Variants in ERBB4 observed in about 807,000 individuals in gnomAD.
ERBB4 encodes the protein erb-b2 receptor tyrosine kinase 4, also known as receptor tyrosine-protein kinase erbB-4.
In ERBB4, 42 loss-of-function variants were observed where a neutral mutation model predicts 158.0. The observed-to-expected ratio is 0.27, with a 90% CI of 0.21 to 0.34. The LOEUF is 0.34. Among genes scored for constraint, ERBB4 ranks in the 10% least tolerant of loss-of-function variants. The probability of loss-of-function intolerance (pLI) is 1.00; values close to 1 mark genes in which losing one functional copy is unlikely to be tolerated. For synonymous variants in ERBB4, 583 were observed against 558.7 expected, an observed-to-expected ratio of 1.04 and a Z score of -0.61; for missense variants, 1,333 against 1,624.1, an observed-to-expected ratio of 0.82 and a Z score of 3.08.
At chr2:212,152,996 G>C (rs1310745113) in intron 1 of ERBB4, among the ~76,000 whole-genome samples, 1 of 152,142 alleles carries the variant, frequency 6.6e-6, no homozygotes, top group East Asian at 1.9e-4. Flanking sequence ...AAAGGTAAGA[G>C]ACACTTAAGG....
intron 15 of ERBB4, among the ~76,000 whole-genome samples, chr2:211,661,108 G>T: frequency 6.6e-6 from 1 of 152,018 alleles, no homozygotes; most frequent in Non-Finnish European, 1.5e-5. Flanking sequence ...AGGGGATTGT[G>T]TAGGATATTT....
At position 212,199,880 on chromosome 2, in the gene ERBB4, T is replaced by G. The variant is rs1307197388; in HGVS notation, c.83-74977A>C. The stretch of plus-strand genomic sequence containing the variant: ...GCCAGTCTGACCTATGTCCCTAGCA[T>G]GGAGTCAGGCCAGTGAAGTATGAAA... On this transcript the variant is annotated intron_variant, in intron 1 of 27. Transcript: ENST00000342788. Among the ~76,000 whole-genome samples the G allele has an allele frequency of 4.1e-5, 4 of 97,356 alleles. No individual in the cohort carries two copies. The South Asian group carries it at 1.3e-3, about 33-fold the overall frequency. The allele number at this position is 97,356 out of a possible 152,430, so 63.9% of individuals were successfully genotyped here. A position where few individuals can be genotyped will look rare whatever the true frequency, so the allele number is the denominator to read the frequency against.
chr2:211,947,586 C>T lies in ERBB4; in HGVS notation c.265G>A (p.Val89Met). The change falls in exon 3 of 28, where the codon GTG (valine) becomes ATG (methionine). Residue 89 changes from valine to methionine, a missense_variant. This residue lies in a region of ERBB4 where 438 missense variants were observed against 586.9 expected (regional missense o/e 0.75). Coordinates refer to ENST00000342788, the MANE Select transcript of ERBB4 (RefSeq NM_005235.3). The part of the protein sequence containing the change: ...SVREVTGYVL[V>M]ALNQFRYLPL... Reference sequence around the variant, plus strand: ...AGGTAACGAAACTGATTAAGAGCCACTAACACGTAGCCTGTGACTTCTCGA... The same window carrying T: ...AGGTAACGAAACTGATTAAGAGCCATTAACACGTAGCCTGTGACTTCTCGA... The T allele has an allele frequency of 1.2e-6, 2 of 1,613,752 alleles. No homozygotes were observed. Among genetic ancestry groups the T allele is most frequent in the Non-Finnish European group, 1.7e-6 (2 of 1,179,882 alleles).
At chr2:212,508,747 T>A (rs150390141) in intron 1 of ERBB4, among the ~76,000 whole-genome samples, 3 of 152,126 alleles carry the variant, frequency 2.0e-5, no homozygotes, top group Non-Finnish European at 4.4e-5. Flanking sequence ...TCTTTAGTAG[T>A]CTTTCTAAAA....
intron 19 of ERBB4, among the ~76,000 whole-genome samples, chr2:211,616,740 T>C (rs1264061595): frequency 6.6e-6 from 1 of 152,176 alleles, no homozygotes; most frequent in Non-Finnish European, 1.5e-5. Flanking sequence ...GTCTCGAAAA[T>C]AGTAGGACAT....
chr2:211,893,476 T>A (rs1250989424), intron 3 of ERBB4, among the ~76,000 whole-genome samples: 1 of 140,074 alleles, frequency 7.1e-6, no homozygotes, highest in Non-Finnish European at 1.5e-5. Flanking sequence ...AACCTAGGCA[T>A]TACCATTCAG....
At chr2:212,395,807 C>T (rs1024720189) in intron 1 of ERBB4, among the ~76,000 whole-genome samples, 2 of 151,912 alleles carry the variant, frequency 1.3e-5, no homozygotes, top group Admixed American at 6.6e-5. Flanking sequence ...TTATTAGAGA[C>T]GGGGTTTCAC....
chr2:211,715,157 G>C (rs2073851490), intron 7 of ERBB4, among the ~76,000 whole-genome samples: 1 of 152,136 alleles, frequency 6.6e-6, no homozygotes, highest in African/African-American at 2.4e-5. Context: ...CTTGACCTTA[G>C]AATATATATG....
rs113836125 is a variant in ERBB4 at position 212,510,603 on chromosome 2, C to T, written c.82+27846G>A. On this transcript the variant is annotated intron_variant, in intron 1 of 27. Transcript: ENST00000342788. ...ATGGTAGGATCAAAATGAATTATCA[C>T]GCTATGAAAATCCTTAACTAATAGG... Among the ~76,000 whole-genome samples, 141 of 152,060 alleles carry T rather than the reference C, an allele frequency of 9.3e-4. 1 individual carries two copies. The highest frequency in any genetic ancestry group is 6.8e-3 in the Middle Eastern group (2 of 294).
intron 1 of ERBB4, among the ~76,000 whole-genome samples, chr2:212,127,506 G>A (rs2079974412): frequency 6.6e-6 from 1 of 152,170 alleles, no homozygotes; most frequent in African/African-American, 2.4e-5. Context: ...GCAGGAGAAT[G>A]GCATGAACCC....
chr2:211,960,067 G>C (rs1392789670), intron 2 of ERBB4, among the ~76,000 whole-genome samples: 1 of 152,098 alleles, frequency 6.6e-6, no homozygotes, highest in Non-Finnish European at 1.5e-5. Context: ...CCTAAGTTCT[G>C]AAAGGTTGTT....
At chr2:211,933,041 C>T (rs2080218943) in intron 3 of ERBB4, among the ~76,000 whole-genome samples, 1 of 151,994 alleles carries the variant, frequency 6.6e-6, no homozygotes, top group Admixed American at 6.6e-5. Context: ...TGATAACCTA[C>T]ATTGTGACCC....
intron 3 of ERBB4, among the ~76,000 whole-genome samples, chr2:211,808,887 C>T (rs1353373170): frequency 1.3e-5 from 2 of 152,124 alleles, no homozygotes; most frequent in African/African-American, 2.4e-5. Flanking sequence ...CTCTTTGTAG[C>T]AATTGTGAAT....
intron 1 of ERBB4, among the ~76,000 whole-genome samples, chr2:212,311,380 T>C (rs894739700): frequency 6.6e-6 from 1 of 150,808 alleles, no homozygotes; most frequent in Non-Finnish European, 1.5e-5. Flanking sequence ...TATGGAAGAA[T>C]GAGGGAGAAT....
At chr2:211,567,787 A>ATTT (rs11350799) in intron 19 of ERBB4, among the ~76,000 whole-genome samples, 6 of 140,892 alleles carry the variant, frequency 4.3e-5, no homozygotes, top group African/African-American at 7.6e-5. Flanking sequence ...TGTAGCTTGC[A>ATTT]TTTTTTTTTT....
intron 1 of ERBB4, among the ~76,000 whole-genome samples, chr2:212,382,228 CAT>C (rs909098679): frequency 9.4e-5 from 14 of 149,438 alleles, no homozygotes; most frequent in South Asian, 2.1e-4. Flanking sequence ...TACACACATA[CAT>C]ATATATACAC....
chr2:211,829,363 T>A (rs571285164), intron 3 of ERBB4, among the ~76,000 whole-genome samples: 20 of 152,308 alleles, frequency 1.3e-4, no homozygotes, highest in African/African-American at 4.8e-4. Flanking sequence ...ACAATTTTTA[T>A]ATAATATTTG....
rs78699251 is a variant in ERBB4 at position 212,522,400 on chromosome 2, T to A, written c.82+16049A>T. ...GTGATGTACAGAAGTTTATAACAAT[T>A]AAGATAGGAAAAGCACATTAAATTA... On this transcript the variant is annotated intron_variant, in intron 1 of 27. Coordinates refer to ENST00000342788, the MANE Select transcript of ERBB4 (RefSeq NM_005235.3). 1.7e-4 allele frequency among the ~76,000 whole-genome samples: 26 copies of A among 152,028 alleles called. 1 individual carries two copies. In the East Asian group the frequency reaches 5.0e-3, roughly 29 times the overall value.
At chr2:211,772,844 T>TAC (rs2075735402) in intron 4 of ERBB4, among the ~76,000 whole-genome samples, 1 of 65,230 alleles carries the variant, frequency 1.5e-5, no homozygotes. Context: ...TACACATATA[T>TAC]ATATATATAT....
Sources: gnomAD v4.1 joint callset for allele counts (sites outside exome capture counted in the v4.1 genomes callset) on GRCh38, gnomAD v4.1.1 for gene constraint, gnomAD v4.1.1 regional missense constraint, MANE v1.5 for transcripts, NCBI Gene and HGNC (gene_info 2026-07-23, HGNC 2026-07-21) for gene names.